Variants in DEPTOR observed in about 807,000 individuals in gnomAD.
DEPTOR encodes DEP domain-containing mTOR-interacting protein.
DEPTOR carries 41 observed loss-of-function variants against 41.6 expected under a neutral mutation model. The ratio of observed to expected loss-of-function variants is 0.98; its 90% CI spans 0.77 to 1.28. DEPTOR has a LOEUF of 1.28. DEPTOR is among the 50% of genes most tolerant of loss of function. DEPTOR has a pLI of 0.00. For missense variants in DEPTOR, 514 were observed against 527.9 expected, an observed-to-expected ratio of 0.97 and a Z score of 0.26; for synonymous variants, 195 against 192.3, an observed-to-expected ratio of 1.01 and a Z score of -0.12.
chr8:120,027,730 A>G lies in DEPTOR; in HGVS notation c.1101+18597A>G, dbSNP rs528974424. Reference sequence around the variant, plus strand: ...CAAAAAAAAAAAAGAGTAAATTCTAACTGTCTCATGCCATGAATTCCATTT... The same window carrying G: ...CAAAAAAAAAAAAGAGTAAATTCTAGCTGTCTCATGCCATGAATTCCATTT... On this transcript the variant is annotated intron_variant, in intron 8 of 8. Transcript: ENST00000286234. Among the ~76,000 whole-genome samples the G allele has an allele frequency of 9.9e-5, 15 of 152,080 alleles. No homozygotes were observed. The East Asian group carries it at 2.3e-3, about 24-fold the overall frequency.
chr8:119,989,536 G>A (rs949208946), intron 4 of DEPTOR, among the ~76,000 whole-genome samples: 1 of 152,132 alleles, frequency 6.6e-6, no homozygotes, highest in Non-Finnish European at 1.5e-5. Context: ...GTGACTCTGA[G>A]ATACATGGGC....
chr8:119,899,069 C>A (rs1450629633), intron 1 of DEPTOR, among the ~76,000 whole-genome samples: 2 of 152,172 alleles, frequency 1.3e-5, no homozygotes, highest in African/African-American at 4.8e-5. Context: ...TTTTGGTGAA[C>A]CCTCTATCAG....
rs576497067 is a variant in DEPTOR, at chr8:119,938,222, G to A, written c.425+8284G>A. ...CAATCCTCTTATTTCTTTATTTTTT[G>A]TGTAATCAAGACTACCTTATAGGTT... On this transcript the variant is annotated intron_variant, in intron 3 of 8. Transcript: ENST00000286234. Among the ~76,000 whole-genome samples, 15 of 152,186 alleles carry A rather than the reference G, an allele frequency of 9.9e-5. No homozygotes were observed. In the South Asian group the frequency reaches 2.1e-3, roughly 21 times the overall value.
intron 1 of DEPTOR, among the ~76,000 whole-genome samples, chr8:119,893,043 A>G (rs1827471878): frequency 1.3e-5 from 2 of 152,116 alleles, no homozygotes; most frequent in Admixed American, 1.3e-4. Flanking sequence ...TCGGCCTCCC[A>G]AAGTCCTGGG....
At chr8:119,922,685 T>A (rs1827912407) in intron 1 of DEPTOR, among the ~76,000 whole-genome samples, 1 of 152,216 alleles carries the variant, frequency 6.6e-6, no homozygotes, top group Non-Finnish European at 1.5e-5. Context: ...CAGTTCAAAC[T>A]GTCCCTAGCA....
intron 4 of DEPTOR, among the ~76,000 whole-genome samples, chr8:119,975,809 G>A (rs758648539): frequency 3.2e-4 from 48 of 149,642 alleles, no homozygotes; most frequent in Non-Finnish European, 6.1e-4. Flanking sequence ...ACCTAGCCTT[G>A]CTTGCCCACC....
chr8:120,024,471 G>A (rs912671438), intron 8 of DEPTOR, among the ~76,000 whole-genome samples: 2 of 152,094 alleles, frequency 1.3e-5, no homozygotes, highest in Middle Eastern at 3.2e-3. Flanking sequence ...TGGAAATAGG[G>A]GCCTTACAGA....
At chr8:119,899,107 A>G (rs935120335) in intron 1 of DEPTOR, among the ~76,000 whole-genome samples, 8 of 152,228 alleles carry the variant, frequency 5.3e-5, no homozygotes, top group Non-Finnish European at 1.2e-4. Flanking sequence ...GTAGTATTGT[A>G]GATAGAAAGT....
chr8:119,934,724 C>T (rs1209116555), intron 3 of DEPTOR, among the ~76,000 whole-genome samples: 1 of 152,160 alleles, frequency 6.6e-6, no homozygotes, highest in African/African-American at 2.4e-5. Flanking sequence ...TTCTTGTTTT[C>T]TCAAATTATT....
At chr8:120,008,827 AT>A (rs113681836) in intron 7 of DEPTOR, among the ~76,000 whole-genome samples, 1 of 152,000 alleles carries the variant, frequency 6.6e-6, no homozygotes, top group African/African-American at 2.4e-5. Flanking sequence ...AACAGGTTAG[AT>A]TTTTTTTACC....
In DEPTOR at chr8:120,001,620, A is replaced by G. The variant is rs753687397; in HGVS notation, c.700A>G (p.Lys234Glu). 6.2e-7 allele frequency: 1 copy of G among 1,613,976 alleles called. No individual in the cohort carries two copies. Among genetic ancestry groups the G allele is most frequent in the South Asian group, 1.1e-5 (1 of 91,050 alleles). The change falls in exon 5 of 9, where the codon AAG becomes GAG. Residue 234 changes from lysine (K) to glutamate (E), a missense_variant. Lys to Glu is a moderately conservative substitution (Grantham distance 56). Transcript: ENST00000286234. ...RRRLMELLNE[K>E]SPSSQETHDS... The stretch of plus-strand genomic sequence containing the variant: ...AAGACTGATGGAGCTGCTCAATGAA[A>G]AGTCCCCCTCCTCCCAGGAAACTCA...
intron 7 of DEPTOR, among the ~76,000 whole-genome samples, chr8:120,007,378 C>T (rs56170125): frequency 0.17 from 25,251 of 151,834 alleles, 3,587 homozygotes; most frequent in African/African-American, 0.39. Context: ...ACTTTTCTAC[C>T]GTAGGCAGGG....
chr8:119,936,192 C>T (rs955679713), intron 3 of DEPTOR, among the ~76,000 whole-genome samples: 21 of 152,096 alleles, frequency 1.4e-4, no homozygotes, highest in Admixed American at 1.4e-3. Flanking sequence ...TCCACAGGAC[C>T]AAAGAGAAAT....
intron 4 of DEPTOR, among the ~76,000 whole-genome samples, chr8:119,990,892 TA>T (rs35282968): frequency 2.6e-5 from 4 of 152,210 alleles, no homozygotes; most frequent in African/African-American, 7.2e-5. Context: ...AGTAGGCACT[TA>T]AAAACAATTG....
chr8:120,005,212 T>A (rs1283538532), intron 6 of DEPTOR, among the ~76,000 whole-genome samples: 1 of 152,156 alleles, frequency 6.6e-6, no homozygotes, highest in African/African-American at 2.4e-5. Flanking sequence ...ATAAAAAAGA[T>A]CTCAGTCCTC....
intron 8 of DEPTOR, among the ~76,000 whole-genome samples, chr8:120,035,651 C>G (rs1177319537): frequency 6.6e-6 from 1 of 152,130 alleles, no homozygotes; most frequent in Non-Finnish European, 1.5e-5. Context: ...CATGCCTCAG[C>G]CTCCCAAGTA....
intron 4 of DEPTOR, among the ~76,000 whole-genome samples, chr8:119,992,793 A>G (rs1448821995): frequency 1.3e-5 from 2 of 151,700 alleles, no homozygotes; most frequent in African/African-American, 4.8e-5. Flanking sequence ...AGTAGCTGGA[A>G]TTACAGGTGC....
intron 4 of DEPTOR, among the ~76,000 whole-genome samples, chr8:119,991,361 G>A (rs1181803744): frequency 6.6e-6 from 1 of 151,922 alleles, no homozygotes; most frequent in African/African-American, 2.4e-5. Context: ...TGTTTCCCAG[G>A]CTGGAGTGCA....
intron 5 of DEPTOR, among the ~76,000 whole-genome samples, 186 bp from the exon 6 acceptor site, chr8:120,002,791 A>AATATATATATATATATAT (rs1177103228): frequency 2.0e-4 from 12 of 60,666 alleles, no homozygotes; most frequent in East Asian, 5.2e-4. Context: ...AAAAAAAAAA[A>AATATATATATATATATAT]ATATATATAT....
Sources: allele counts gnomAD v4.1 joint callset (sites outside exome capture counted in the v4.1 genomes callset), GRCh38; gene constraint gnomAD v4.1.1; transcripts MANE v1.5; gene names NCBI Gene and HGNC (gene_info 2026-07-23, HGNC 2026-07-21).